RASGEF1C: variants seen among roughly 807,000 people sequenced by gnomAD.
RASGEF1C encodes ras-GEF domain-containing family member 1C.
RASGEF1C carries 27 observed loss-of-function variants against 58.1 expected under a neutral mutation model. That is an observed-to-expected ratio of 0.46 (90% CI 0.34 to 0.64). The LOEUF is 0.64. Ranked by LOEUF, RASGEF1C falls within the 30% of genes least tolerant of loss-of-function variation. The pLI, the probability that RASGEF1C is intolerant of heterozygous loss-of-function variation, is 0.01. For missense variants in RASGEF1C, 502 were observed against 605.1 expected (o/e 0.83, Z 1.79); for synonymous variants, 243 against 246.3 (o/e 0.99, Z 0.13).
chr5:180,128,200 G>A (rs1262244655), intron 5 of RASGEF1C, among the ~76,000 whole-genome samples: 1 of 152,188 alleles, frequency 6.6e-6, no homozygotes, highest in Non-Finnish European at 1.5e-5. Context: ...TCAACCCTCA[G>A]TCTCAAAGGG....
At chr5:180,152,519 C>G (rs1226898714) in intron 1 of RASGEF1C, among the ~76,000 whole-genome samples, 1 of 133,444 alleles carries the variant, frequency 7.5e-6, no homozygotes, top group African/African-American at 2.9e-5. Flanking sequence ...ACAATGAGAA[C>G]ACATGGACAC....
chr5:180,193,053 T>TTTTTG (rs148059153), intron 1 of RASGEF1C, among the ~76,000 whole-genome samples: 5 of 149,146 alleles, frequency 3.4e-5, no homozygotes, highest in South Asian at 2.1e-4. Context: ...GCCAGTTTTT[T>TTTTTG]TTGTTGTTGT....
chr5:180,123,633 A>G (rs1431130306), intron 6 of RASGEF1C, among the ~76,000 whole-genome samples: 1 of 152,134 alleles, frequency 6.6e-6, no homozygotes, highest in African/African-American at 2.4e-5. Context: ...AACAAGCTGA[A>G]CATCCAACAT....
chr5:180,125,074 A>C (rs1259749043), intron 6 of RASGEF1C, among the ~76,000 whole-genome samples: 1 of 152,178 alleles, frequency 6.6e-6, no homozygotes, highest in East Asian at 1.9e-4. Context: ...TTGAGGCTGC[A>C]GTGAGCTGTG....
At chr5:180,188,953 AAAAG>A (rs904659841) in intron 1 of RASGEF1C, among the ~76,000 whole-genome samples, 5 of 152,198 alleles carry the variant, frequency 3.3e-5, no homozygotes, top group African/African-American at 1.2e-4. Context: ...ATAATAAGAC[AAAAG>A]AAAGAAAGAA....
intron 1 of RASGEF1C, among the ~76,000 whole-genome samples, chr5:180,183,314 T>G (rs1032178736): frequency 1.3e-5 from 2 of 152,126 alleles, no homozygotes; most frequent in African/African-American, 4.8e-5. Flanking sequence ...AAATAATAAA[T>G]TTGTGTTTTA....
chr5:180,115,349 CT>C, intron 10 of RASGEF1C: 1 of 418,812 alleles, frequency 2.4e-6, no homozygotes, highest in Non-Finnish European at 4.7e-6. Flanking sequence ...ATGCTAAGAT[CT>C]GATCCCGATG....
intron 6 of RASGEF1C, 86 bp downstream of exon 6, chr5:180,127,523 G>A: frequency 6.6e-6 from 9 of 1,358,964 alleles, no homozygotes; most frequent in Non-Finnish European, 8.9e-6. Flanking sequence ...TCCAGCGCTC[G>A]CCCAGAGAAG....
chr5:180,126,557 TCACA>T (rs915626316), intron 6 of RASGEF1C, among the ~76,000 whole-genome samples: 2 of 152,158 alleles, frequency 1.3e-5, no homozygotes, highest in African/African-American at 4.8e-5. Flanking sequence ...ACCCAAATGG[TCACA>T]CACTCTCGCC....
chr5:180,184,526 G>A (rs758406634), intron 1 of RASGEF1C, among the ~76,000 whole-genome samples: 6 of 152,026 alleles, frequency 3.9e-5, no homozygotes, highest in African/African-American at 7.2e-5. Context: ...GCAGTGAGAC[G>A]GGATCGTGCC....
chr5:180,157,973 T>C (rs139191711), intron 1 of RASGEF1C, among the ~76,000 whole-genome samples: 92 of 152,312 alleles, frequency 6.0e-4, no homozygotes, highest in African/African-American at 2.2e-3. Context: ...AATAATGATG[T>C]AGCAATGTAG....
At chr5:180,193,210 C>CTT (rs1491405331) in intron 1 of RASGEF1C, among the ~76,000 whole-genome samples, 1 of 43,412 alleles carries the variant, frequency 2.3e-5, no homozygotes, top group Non-Finnish European at 7.1e-5. Flanking sequence ...TGCCCGCCAC[C>CTT]GCACCCGGCT....
chr5:180,159,353 T>C (rs1440771564), intron 1 of RASGEF1C, among the ~76,000 whole-genome samples: 1 of 152,126 alleles, frequency 6.6e-6, no homozygotes, highest in Middle Eastern at 3.2e-3. Context: ...TTGCCCAGGG[T>C]GGTCTCAAAC....
At chr5:180,103,234 C>T (rs370279912) in intron 12 of RASGEF1C, among the ~76,000 whole-genome samples, 2,306 of 152,240 alleles carry the variant, frequency 0.015, 32 homozygotes, top group Non-Finnish European at 0.021. Flanking sequence ...CCCACCACCA[C>T]GCCCGGCTAA....
chr5:180,208,625 C>T (rs963398717), intron 1 of RASGEF1C, among the ~76,000 whole-genome samples: 1 of 152,184 alleles, frequency 6.6e-6, no homozygotes, highest in Non-Finnish European at 1.5e-5. Flanking sequence ...CCCTTCTGCA[C>T]GTGCACCGGC....
In RASGEF1C at chr5:180,137,805, GC is replaced by G. The variant is rs1215342917; in HGVS notation, c.177+70del. 5 of 1,602,048 alleles carry G rather than the reference GC, an allele frequency of 3.1e-6. No homozygotes were observed. Among genetic ancestry groups the G allele is most frequent in the Non-Finnish European group, 3.4e-6 (4 of 1,174,816 alleles). On this transcript the variant is annotated intron_variant, in intron 2 of 13. Coordinates refer to ENST00000361132, the MANE Select transcript of RASGEF1C (RefSeq NM_175062.4). The surrounding 1 kb of genome is among the most constrained non-coding windows in gnomAD (Gnocchi z 4.1). ...GCCCTGTACCCTGGCCCAAGGTCAC[GC>G]CCAACCCTGATGCCCCCCGTGCGTG...
At chr5:180,129,446 C>T (rs961977601) in intron 4 of RASGEF1C, among the ~76,000 whole-genome samples, 8 of 152,274 alleles carry the variant, frequency 5.3e-5, no homozygotes, top group Middle Eastern at 3.4e-3. Context: ...CTCCCAACCC[C>T]GCCACCAGAG....
At chr5:180,110,327 A>C (rs1191525525) in intron 12 of RASGEF1C, among the ~76,000 whole-genome samples, 1 of 152,174 alleles carries the variant, frequency 6.6e-6, no homozygotes, top group East Asian at 1.9e-4. Context: ...CAGCTTCAAA[A>C]TATAAACAAT....
At position 180,138,067 on chromosome 5, in the gene RASGEF1C, G is replaced by T. The variant is rs1230400942; in HGVS notation, c.-6-9C>A. 11 of 1,481,456 alleles carry T rather than the reference G, an allele frequency of 7.4e-6. No homozygotes were observed. The highest frequency in any genetic ancestry group is 9.9e-6 in the Non-Finnish European group (11 of 1,116,108). 91.8% of individuals were successfully genotyped at this position (1,481,456 alleles called of 1,614,324 possible). A position where few individuals can be genotyped will look rare whatever the true frequency, so the allele number is the denominator to read the frequency against. ...GTCTGTGGCATGTCTGCCTGCAATG[G>T]CAAGGAGCAGTGAGGACCTGAGTGG... On this transcript the variant is annotated splice_polypyrimidine_tract_variant and intron_variant, in intron 1 of 13. Coordinates refer to ENST00000361132, the MANE Select transcript of RASGEF1C (RefSeq NM_175062.4).
Sources: allele counts gnomAD v4.1 joint callset (sites outside exome capture counted in the v4.1 genomes callset), GRCh38; gene constraint gnomAD v4.1.1; non-coding constraint Gnocchi (gnomAD v3.1); transcripts MANE v1.5; gene names NCBI Gene and HGNC (gene_info 2026-07-23, HGNC 2026-07-21).